The following SPECC1 variants were observed in gnomAD, a reference collection of about 807,000 sequenced individuals.
SPECC1 encodes cytospin-B.
SPECC1 carries 62 observed loss-of-function variants against 104.1 expected under a neutral mutation model. The ratio of observed to expected loss-of-function variants is 0.60; its 90% CI spans 0.49 to 0.74. The LOEUF is 0.74. SPECC1 is among the 30% of genes least tolerant of loss of function. The probability of loss-of-function intolerance (pLI) is 0.00; values close to 1 mark genes in which losing one functional copy is unlikely to be tolerated. For synonymous variants in SPECC1, 513 were observed against 501.6 expected, an observed-to-expected ratio of 1.02 and a Z score of -0.30; for missense variants, 1,306 against 1,310.5, an observed-to-expected ratio of 1.00 and a Z score of 0.05.
chr17:20,285,127 A>C (rs1349414804), intron 12 of SPECC1, among the ~76,000 whole-genome samples: 2 of 152,164 alleles, frequency 1.3e-5, no homozygotes, highest in Non-Finnish European at 2.9e-5. Context: ...ACCAAATGTT[A>C]ATAACCAAGG....
chr17:20,291,932 A>G (rs568232109), intron 12 of SPECC1, among the ~76,000 whole-genome samples: 8 of 122,866 alleles, frequency 6.5e-5, no homozygotes, highest in African/African-American at 1.6e-4. Flanking sequence ...GAAACGATCT[A>G]GTATCCGTCA....
intron 1 of SPECC1, among the ~76,000 whole-genome samples, chr17:20,079,926 C>T: frequency 6.6e-6 from 1 of 152,146 alleles, no homozygotes; most frequent in Non-Finnish European, 1.5e-5. Context: ...GCTGCAGTCT[C>T]TCCCATTCCA....
At chr17:20,221,031 A>T (rs1158925235) in intron 4 of SPECC1, among the ~76,000 whole-genome samples, 1 of 152,178 alleles carries the variant, frequency 6.6e-6, no homozygotes, top group African/African-American at 2.4e-5. Context: ...CATGATGAAT[A>T]ATCTTTTAAA....
At chr17:20,054,818 A>G (rs1194034355) in intron 1 of SPECC1, among the ~76,000 whole-genome samples, 1 of 151,876 alleles carries the variant, frequency 6.6e-6, no homozygotes, top group African/African-American at 2.4e-5. Context: ...ACAGCTGGCT[A>G]ATTTTTGTAT....
chr17:20,083,984 T>C (rs2047080000), intron 1 of SPECC1, among the ~76,000 whole-genome samples: 1 of 152,252 alleles, frequency 6.6e-6, no homozygotes, highest in Non-Finnish European at 1.5e-5. Flanking sequence ...TAATGACTAA[T>C]GATGTCAAGC....
chr17:20,284,060 C>T (rs569261124), intron 12 of SPECC1, among the ~76,000 whole-genome samples: 2 of 152,024 alleles, frequency 1.3e-5, no homozygotes, highest in Non-Finnish European at 2.9e-5. Flanking sequence ...GATTATAAGC[C>T]TATTCTTCTA....
At chr17:20,253,166 A>C (rs974177707) in intron 9 of SPECC1, among the ~76,000 whole-genome samples, 1 of 152,218 alleles carries the variant, frequency 6.6e-6, no homozygotes, top group Non-Finnish European at 1.5e-5. Context: ...AACCATTAAA[A>C]ATAGAATACT....
chr17:20,162,528 TG>T (rs1327915817), intron 3 of SPECC1, among the ~76,000 whole-genome samples: 1 of 151,496 alleles, frequency 6.6e-6, no homozygotes, highest in Non-Finnish European at 1.5e-5. Flanking sequence ...AGGATTGTTG[TG>T]GTGATTCATA....
At chr17:20,162,084 C>T (rs1339647898) in intron 3 of SPECC1, among the ~76,000 whole-genome samples, 2 of 151,830 alleles carry the variant, frequency 1.3e-5, no homozygotes, top group Non-Finnish European at 2.9e-5. Context: ...CATGAGCCAC[C>T]GTGCCCTGCT....
chr17:20,099,015 G>A (rs2047790799), intron 2 of SPECC1, among the ~76,000 whole-genome samples: 1 of 152,148 alleles, frequency 6.6e-6, no homozygotes, highest in South Asian at 2.1e-4. Flanking sequence ...GGCCTGAGTT[G>A]GAATCCTGGC....
At chr17:20,083,467 G>T (rs898771210) in intron 1 of SPECC1, among the ~76,000 whole-genome samples, 4 of 152,220 alleles carry the variant, frequency 2.6e-5, no homozygotes, top group Admixed American at 6.5e-5. Flanking sequence ...AGATGGGTAA[G>T]ATTTGTGTAG....
intron 3 of SPECC1, among the ~76,000 whole-genome samples, chr17:20,182,662 C>T (rs961640731): frequency 3.3e-5 from 5 of 152,062 alleles, no homozygotes; most frequent in African/African-American, 4.8e-5. Context: ...CATATAAGTA[C>T]GTATTTGTGA....
intron 3 of SPECC1, among the ~76,000 whole-genome samples, chr17:20,173,661 G>A (rs1054618417): frequency 6.6e-6 from 1 of 152,206 alleles, no homozygotes; most frequent in African/African-American, 2.4e-5. Context: ...GACCTCAACC[G>A]TGGTGAAATG....
intron 3 of SPECC1, among the ~76,000 whole-genome samples, chr17:20,193,736 G>T (rs980823095): frequency 7.2e-5 from 11 of 152,304 alleles, no homozygotes; most frequent in Middle Eastern, 3.4e-3. Flanking sequence ...AGCAAAATAA[G>T]TAAAGTTATT....
chr17:20,157,236 G>A (rs559177243), intron 3 of SPECC1, among the ~76,000 whole-genome samples: 1 of 152,062 alleles, frequency 6.6e-6, no homozygotes, highest in African/African-American at 2.4e-5. Flanking sequence ...CCCTATCCTC[G>A]GGGTGGGGTG....
At chr17:20,091,043 G>A (rs1218987530) in intron 1 of SPECC1, among the ~76,000 whole-genome samples, 1 of 152,160 alleles carries the variant, frequency 6.6e-6, no homozygotes, top group African/African-American at 2.4e-5. Flanking sequence ...GGTGTGGTTA[G>A]CGATGTACAA....
intron 1 of SPECC1, among the ~76,000 whole-genome samples, chr17:20,093,756 AGTCTCCCTCT>A (rs11278734): frequency 0.51 from 73,329 of 143,662 alleles, 18,800 homozygotes; most frequent in Middle Eastern, 0.62. Flanking sequence ...TTGGAGATGG[AGTCTCCCTCT>A]GTCACCCAGG....
In SPECC1 at chr17:20,247,199, C is replaced by G; in HGVS notation, c.2498-20C>G. The G allele has an allele frequency of 6.3e-7, 1 of 1,581,064 alleles. No individual in the cohort carries two copies. Among genetic ancestry groups the G allele is most frequent in the Non-Finnish European group, 8.7e-7 (1 of 1,154,984 alleles). On this transcript the variant is annotated intron_variant, in intron 8 of 14. Transcript: ENST00000395527. ...TGAAGTGGAACAACATATAAATGTT[C>G]CCATGTTTTTTCTTGGCAGGTGGAG...
chr17:20,048,136 C>CTTTTTTTTT (rs543097038), intron 1 of SPECC1, among the ~76,000 whole-genome samples: 1 of 139,902 alleles, frequency 7.1e-6, no homozygotes, highest in African/African-American at 2.6e-5. Flanking sequence ...AGAAATGAGT[C>CTTTTTTTTT]TTTTTTTTTT....
Sources: allele counts gnomAD v4.1 joint callset (sites outside exome capture counted in the v4.1 genomes callset), GRCh38; gene constraint gnomAD v4.1.1; transcripts MANE v1.5; gene names NCBI Gene and HGNC (gene_info 2026-07-23, HGNC 2026-07-21).